Variants in HS6ST2 observed in about 807,000 individuals in gnomAD.
HS6ST2 encodes the protein heparan sulfate 6-O-sulfotransferase 2.
In HS6ST2, 17 loss-of-function variants were observed where a neutral mutation model predicts 33.0. The observed-to-expected ratio is 0.52, with a 90% CI of 0.35 to 0.77. HS6ST2 has a LOEUF of 0.77. Among genes scored for constraint, HS6ST2 ranks in the 30% least tolerant of loss-of-function variants. The probability of loss-of-function intolerance (pLI) is 0.01; values close to 1 mark genes in which losing one functional copy is unlikely to be tolerated. For missense variants in HS6ST2, 519 were observed against 551.7 expected (o/e 0.94, Z 0.59); for synonymous variants, 248 against 237.1 (o/e 1.05, Z -0.42).
At chrX:132,740,132 A>G (rs1211006873) in intron 2 of HS6ST2, among the ~76,000 whole-genome samples, 1 of 112,100 alleles carries the variant, frequency 8.9e-6, no homozygotes, top group African/African-American at 3.2e-5. Context: ...TAGAAAAACA[A>G]CCATTTCACG....
intron 2 of HS6ST2, among the ~76,000 whole-genome samples, chrX:132,904,310 C>T (rs1172106383): frequency 9.0e-6 from 1 of 111,085 alleles, no homozygotes; most frequent in Admixed American, 9.6e-5. Flanking sequence ...GTTTAGCATT[C>T]CATTGTATGA....
intron 2 of HS6ST2, among the ~76,000 whole-genome samples, chrX:132,795,733 A>G (rs1333910863): frequency 1.8e-5 from 2 of 110,445 alleles, no homozygotes; most frequent in Non-Finnish European, 3.8e-5. Context: ...CAGCCTCCCA[A>G]GTAGCTTGGA....
At position 132,710,323 on chromosome X, in the gene HS6ST2, TAC is replaced by T. The variant is rs886214161; in HGVS notation, c.948-1831_948-1830del. Among the ~76,000 whole-genome samples, 24 of 111,424 alleles carry T rather than the reference TAC, an allele frequency of 2.2e-4. No homozygotes were observed. In the South Asian group the frequency reaches 6.9e-3, roughly 32 times the overall value. ...TAATTTTAAGAACCCATTTTATGCA[TAC>T]ACACACACACTCTCTTTGGGAAGGT... On this transcript the variant is annotated intron_variant, in intron 2 of 4. Transcript: ENST00000370833.
intron 2 of HS6ST2, among the ~76,000 whole-genome samples, chrX:132,773,250 A>C (rs1406313376): frequency 9.7e-6 from 1 of 103,215 alleles, no homozygotes; most frequent in African/African-American, 3.5e-5. Flanking sequence ...TATACATATA[A>C]TATATTTATA....
intron 2 of HS6ST2, among the ~76,000 whole-genome samples, chrX:132,833,482 G>A (rs769594316): frequency 1.1e-4 from 12 of 111,864 alleles, no homozygotes; most frequent in African/African-American, 3.9e-4. Flanking sequence ...GTCAGATGCC[G>A]GATGTCTAGT....
chrX:132,732,612 T>C (rs917954907), intron 2 of HS6ST2, among the ~76,000 whole-genome samples: 4 of 111,413 alleles, frequency 3.6e-5, no homozygotes, highest in African/African-American at 1.3e-4. Flanking sequence ...CTAGATTTGA[T>C]GGTTTTATAA....
intron 2 of HS6ST2, among the ~76,000 whole-genome samples, chrX:132,860,242 C>T (rs1266902535): frequency 8.9e-6 from 1 of 111,895 alleles, no homozygotes; most frequent in Non-Finnish European, 1.9e-5. Context: ...GGCATATTGT[C>T]AGTCTGTAGT....
chrX:132,753,405 T>C (rs759769474), intron 2 of HS6ST2, among the ~76,000 whole-genome samples: 1 of 111,686 alleles, frequency 9.0e-6, no homozygotes, highest in South Asian at 3.9e-4. Context: ...ATCCCCCATG[T>C]CAACATGGGG....
chrX:132,840,407 C>G (rs1028783384), intron 2 of HS6ST2, among the ~76,000 whole-genome samples: 3 of 110,229 alleles, frequency 2.7e-5, no homozygotes, highest in African/African-American at 9.9e-5. Flanking sequence ...CTCCCTTTCT[C>G]TTTCCCTTTG....
intron 2 of HS6ST2, among the ~76,000 whole-genome samples, chrX:132,836,955 T>G: frequency 8.9e-6 from 1 of 112,097 alleles, no homozygotes; most frequent in Middle Eastern, 4.6e-3. Flanking sequence ...GCTTCCACAG[T>G]GTAAAACAAG....
In HS6ST2 at chrX:132,957,086, G is replaced by A. The variant is rs751107654; in HGVS notation, c.669C>T (p.Ile223=). 1.3e-4 allele frequency: 160 copies of A among 1,210,299 alleles called. No homozygotes were observed. Among genetic ancestry groups the A allele is most frequent in the Middle Eastern group, 2.3e-4 (1 of 4,376 alleles). Residue 223 remains isoleucine (I), a synonymous_variant, in exon 2 of 5, where the codon ATC becomes ATT. Transcript: ENST00000370833. ...GGAACACGATCAGGTCATCGCCCTT[G>A]ATGTCGAAGTCTACCTTGCGCAGGA... The part of the protein sequence containing the change: ...GDLLRKVDFD[I]KGDDLIVFLH...
chrX:132,726,644 C>T (rs1373476118), intron 2 of HS6ST2, among the ~76,000 whole-genome samples: 12 of 112,366 alleles, frequency 1.1e-4, no homozygotes, highest in African/African-American at 3.9e-4. Flanking sequence ...ACCCTGTACC[C>T]TTTAGCTGTC....
intron 2 of HS6ST2, among the ~76,000 whole-genome samples, chrX:132,916,906 C>T (rs2066599592): frequency 8.9e-6 from 1 of 111,954 alleles, no homozygotes; most frequent in African/African-American, 3.2e-5. Flanking sequence ...TGAGTCAATT[C>T]TCCTTAATGA....
At chrX:132,835,638 T>G (rs1314612114) in intron 2 of HS6ST2, among the ~76,000 whole-genome samples, 1 of 112,430 alleles carries the variant, frequency 8.9e-6, no homozygotes, top group Middle Eastern at 4.2e-3. Flanking sequence ...AAATCTGTTA[T>G]AAACATTTTA....
At position 132,628,856 on chromosome X, in the gene HS6ST2, G is replaced by T; in HGVS notation, c.1305C>A (p.Ser435=). Residue 435 remains serine, a synonymous_variant, in exon 5 of 5, where the codon TCC becomes TCA. Coordinates refer to ENST00000370833, the MANE Select transcript of HS6ST2 (RefSeq NM_001394073.1). ...LANNRQVRML[S]DLTLVGCYNL... ...TGTAGCAGCCTACCAGGGTCAGGTC[G>T]GAGAGCATGCGCACCTGGCGGTTGT... is the stretch of plus-strand genomic sequence containing the variant. The T allele has an allele frequency of 8.3e-7, 1 of 1,211,766 alleles. No individual in the cohort carries two copies. Among genetic ancestry groups the T allele is most frequent in the Non-Finnish European group, 1.1e-6 (1 of 895,467 alleles).
intron 3 of HS6ST2, among the ~76,000 whole-genome samples, chrX:132,680,725 G>A (rs1048879263): frequency 1.8e-5 from 2 of 111,196 alleles, no homozygotes; most frequent in Non-Finnish European, 3.8e-5. Flanking sequence ...GGCTGGGCAT[G>A]GTGGCTCACA....
At chrX:132,709,996 A>G (rs772242863) in intron 2 of HS6ST2, among the ~76,000 whole-genome samples, 69 of 112,154 alleles carry the variant, frequency 6.2e-4, no homozygotes, top group South Asian at 7.4e-4. Flanking sequence ...TAAATAATTG[A>G]TTTATATGGG....
intron 2 of HS6ST2, among the ~76,000 whole-genome samples, chrX:132,759,311 G>A (rs187986652): frequency 5.4e-4 from 60 of 111,988 alleles, no homozygotes; most frequent in Middle Eastern, 4.6e-3. Flanking sequence ...TGGCCTGAAT[G>A]AGACTATATC....
intron 2 of HS6ST2, among the ~76,000 whole-genome samples, chrX:132,781,073 C>G (rs2065013263): frequency 8.9e-6 from 1 of 112,176 alleles, no homozygotes; most frequent in African/African-American, 3.2e-5. Flanking sequence ...TCCACCCATA[C>G]CTAACTGTAA....
Sources: gnomAD v4.1 joint callset for allele counts (sites outside exome capture counted in the v4.1 genomes callset) on GRCh38, gnomAD v4.1.1 for gene constraint, MANE v1.5 for transcripts, NCBI Gene and HGNC (gene_info 2026-07-23, HGNC 2026-07-21) for gene names.